The following SARNP variants were observed in gnomAD, a reference collection of about 807,000 sequenced individuals.
The protein encoded by SARNP is SAP domain-containing ribonucleoprotein.
SARNP carries 5 observed loss-of-function variants against 38.1 expected under a neutral mutation model. The ratio of observed to expected loss-of-function variants is 0.13; its 90% confidence interval spans 0.07 to 0.28. The LOEUF (loss-of-function observed/expected upper bound fraction) is 0.28. Ranked by LOEUF, SARNP falls within the 10% of genes least tolerant of loss-of-function variation. The pLI, the probability that SARNP is intolerant of heterozygous loss-of-function variation, is 1.00. For missense variants in SARNP, 180 were observed against 243.9 expected (o/e 0.74, Z 1.75); for synonymous variants, 84 against 80.6 (o/e 1.04, Z -0.23).
At chr12:55,776,569 A>G (rs888889339) in intron 9 of SARNP, among the ~76,000 whole-genome samples, 2 of 152,046 alleles carry the variant, frequency 1.3e-5, no homozygotes, top group Non-Finnish European at 2.9e-5. Context: ...TTATTGTTGT[A>G]TTTTTCCCCC....
chr12:55,764,707 GAGT>G (rs1414465750), intron 9 of SARNP, among the ~76,000 whole-genome samples: 1 of 148,366 alleles, frequency 6.7e-6, no homozygotes, highest in African/African-American at 2.5e-5. Flanking sequence ...GTGTGGTGGC[GAGT>G]AGTAGTCCCT....
intron 9 of SARNP, among the ~76,000 whole-genome samples, chr12:55,780,896 G>C (rs183356856): frequency 1.2e-4 from 18 of 152,242 alleles, no homozygotes; most frequent in Non-Finnish European, 1.9e-4. Flanking sequence ...TTTGTTTCTG[G>C]AATTTCCCAT....
In SARNP at chr12:55,766,616, C is replaced by CGGGGGGG. The variant is rs58583137; in HGVS notation, c.502-5983_502-5977dup. Among the ~76,000 whole-genome samples, 35 of 38,104 alleles carry CGGGGGGG rather than the reference C, an allele frequency of 9.2e-4. 1 individual carries two copies. Among genetic ancestry groups the CGGGGGGG allele is most frequent in the African/African-American group, 1.8e-3 (16 of 9,054 alleles). 25.0% of individuals were successfully genotyped at this position (38,104 alleles called of 152,430 possible). A position where few individuals can be genotyped will look rare whatever the true frequency, so the allele number is the denominator to read the frequency against. On this transcript the variant is annotated intron_variant, in intron 9 of 10. Transcript: ENST00000336133. ...CTATATATTTTGTGGGTTTTTTTGGCGGGGGGGGGGGGGGGGTTGTTTTTT... is the reference window on the plus strand; with the variant it reads ...CTATATATTTTGTGGGTTTTTTTGGCGGGGGGGGGGGGGGGGGGGGGGGTTGTTTTTT...
chr12:55,761,871 G>T (rs568565990), intron 9 of SARNP: 2 of 152,288 alleles, frequency 1.3e-5, no homozygotes, highest in South Asian at 4.1e-4. Flanking sequence ...TATATAAAAA[G>T]ATCTCATTCT....
chr12:55,815,870 G>C (rs1157357545), intron 1 of SARNP: 1 of 152,170 alleles, frequency 6.6e-6, no homozygotes, highest in Non-Finnish European at 1.5e-5. Context: ...GCCTTTTTCT[G>C]GGGAGAGGGT....
intron 8 of SARNP, among the ~76,000 whole-genome samples, chr12:55,789,869 G>A (rs1351742312): frequency 6.0e-5 from 9 of 150,940 alleles, no homozygotes; most frequent in African/African-American, 1.7e-4. Flanking sequence ...CCTTGAACCC[G>A]GGAGGCGGAG....
intron 10 of SARNP, among the ~76,000 whole-genome samples, chr12:55,759,322 A>G (rs1410842764): frequency 6.6e-6 from 1 of 152,026 alleles, no homozygotes; most frequent in Non-Finnish European, 1.5e-5. Flanking sequence ...TAAAACTTTG[A>G]GGTAGGTTTT....
chr12:55,773,863 C>T (rs535917842), intron 9 of SARNP, among the ~76,000 whole-genome samples: 1 of 152,224 alleles, frequency 6.6e-6, no homozygotes, highest in African/African-American at 2.4e-5. Flanking sequence ...AGGTGCCCAC[C>T]ACACCAGCTA....
intron 1 of SARNP, among the ~76,000 whole-genome samples, chr12:55,807,396 T>C (rs1325049366): frequency 6.6e-6 from 1 of 152,104 alleles, no homozygotes; most frequent in Non-Finnish European, 1.5e-5. Context: ...AATCTTGATC[T>C]TGGTGGCTTA....
intron 1 of SARNP, among the ~76,000 whole-genome samples, chr12:55,811,822 G>A (rs978881196): frequency 1.3e-5 from 2 of 152,082 alleles, no homozygotes; most frequent in African/African-American, 2.4e-5. Flanking sequence ...TTCACTTCCC[G>A]ATTTCAATCA....
chr12:55,774,480 G>A (rs1180901609), intron 9 of SARNP, among the ~76,000 whole-genome samples: 1 of 150,322 alleles, frequency 6.7e-6, no homozygotes, highest in South Asian at 2.1e-4. Context: ...AGGACTTTGG[G>A]AGGCCTACGT....
intron 9 of SARNP, among the ~76,000 whole-genome samples, chr12:55,774,941 C>G (rs1238935386): frequency 1.4e-5 from 2 of 142,740 alleles, no homozygotes; most frequent in Non-Finnish European, 3.0e-5. Context: ...GACTGGAGCA[C>G]AGTGGCGCAA....
At chr12:55,790,481 C>T (rs1359373368) in intron 8 of SARNP, 86 bp downstream of exon 8, 3 of 1,374,300 alleles carry the variant, frequency 2.2e-6, no homozygotes, top group East Asian at 2.5e-5. Flanking sequence ...CTCAGAGTTT[C>T]CTCTAATCTG....
chr12:55,771,824 G>A (rs1879017883), intron 9 of SARNP, among the ~76,000 whole-genome samples: 1 of 152,186 alleles, frequency 6.6e-6, no homozygotes, highest in African/African-American at 2.4e-5. Context: ...AGTGCCACGT[G>A]ACTGATGGCA....
intron 9 of SARNP, among the ~76,000 whole-genome samples, chr12:55,767,111 G>A (rs1337079682): frequency 6.6e-6 from 1 of 152,156 alleles, no homozygotes; most frequent in Non-Finnish European, 1.5e-5. Context: ...AGAGTGCTTT[G>A]CACACAGGAA....
At chr12:55,803,601 C>A in intron 2 of SARNP, 28 bp downstream of exon 2, 1 of 1,406,326 alleles carries the variant, frequency 7.1e-7, no homozygotes, top group Non-Finnish European at 9.9e-7. Flanking sequence ...CCCTCACTCA[C>A]ATCACTCCGC....
chr12:55,771,050 G>A (rs1210211404), intron 9 of SARNP, among the ~76,000 whole-genome samples: 1 of 151,294 alleles, frequency 6.6e-6, no homozygotes, highest in Non-Finnish European at 1.5e-5. Flanking sequence ...TGATTCTCCT[G>A]CCTCAGCCTC....
intron 1 of SARNP, among the ~76,000 whole-genome samples, chr12:55,814,673 C>T (rs993867716): frequency 4.6e-5 from 7 of 152,000 alleles, no homozygotes; most frequent in Admixed American, 2.6e-4. Context: ...CAAGTCCAGC[C>T]GGACCAATAA....
chr12:55,761,191 A>G (rs992408522), intron 9 of SARNP, among the ~76,000 whole-genome samples: 1 of 151,990 alleles, frequency 6.6e-6, no homozygotes, highest in Non-Finnish European at 1.5e-5. Context: ...AAAAAATAAT[A>G]AATAAAATAA....
Sources: gnomAD v4.1 joint callset for allele counts (sites outside exome capture counted in the v4.1 genomes callset) on GRCh38, gnomAD v4.1.1 for gene constraint, MANE v1.5 for transcripts, NCBI Gene and HGNC (gene_info 2026-07-23, HGNC 2026-07-21) for gene names.